Variants in GOLT1A observed in about 807,000 individuals in gnomAD.
GOLT1A encodes vesicle transport protein GOT1A.
GOLT1A carries 10 observed loss-of-function variants against 16.1 expected under a neutral mutation model. The ratio of observed to expected loss-of-function variants is 0.62; its 90% CI spans 0.38 to 1.05. The LOEUF (loss-of-function observed/expected upper bound fraction) is 1.05, where lower values mean the gene tolerates loss of function less well. Among genes scored for constraint, GOLT1A ranks in the 50% least tolerant of loss-of-function variants. GOLT1A has a pLI of 0.01. For synonymous variants in GOLT1A, 60 were observed against 67.9 expected, an observed-to-expected ratio of 0.88 and a Z score of 0.57; for missense variants, 137 against 165.7, an observed-to-expected ratio of 0.83 and a Z score of 0.95.
At position 204,198,205 on chromosome 1, in the gene GOLT1A, T is replaced by G; in HGVS notation, c.*253A>C. 2.1e-6 allele frequency: 1 copy of G among 482,586 alleles called. No individual in the cohort carries two copies. Among genetic ancestry groups the G allele is most frequent in the African/African-American group, 2.0e-5 (1 of 49,794 alleles). 29.9% of individuals were successfully genotyped at this position (482,586 alleles called of 1,614,324 possible). ...AATTTAATCTTCACTTTTCCTCCCA[T>G]AAATATAGAGTGAGGGTGTGATACC... On this transcript the variant is annotated 3_prime_UTR_variant, in exon 5 of 5. Transcript: ENST00000308302.
At chr1:204,203,899 CAG>C (rs1185842349) in intron 1 of GOLT1A, among the ~76,000 whole-genome samples, 1 of 152,184 alleles carries the variant, frequency 6.6e-6, no homozygotes, top group Non-Finnish European at 1.5e-5. Context: ...GGAGTTCACT[CAG>C]AGCCAGCAAG....
chr1:204,212,871 G>A (rs1362808881), intron 1 of GOLT1A, among the ~76,000 whole-genome samples: 3 of 151,958 alleles, frequency 2.0e-5, no homozygotes, highest in Non-Finnish European at 4.4e-5. Context: ...TTTGCTCCAG[G>A]TATACCCACC....
At chr1:204,201,451 T>C (rs564711830) in intron 3 of GOLT1A, among the ~76,000 whole-genome samples, 182 bp downstream of exon 3, 1 of 152,288 alleles carries the variant, frequency 6.6e-6, no homozygotes, top group East Asian at 1.9e-4. Flanking sequence ...TCAGTATTTG[T>C]TGATGGATGG....
At chr1:204,204,027 G>A (rs906107717) in intron 1 of GOLT1A, among the ~76,000 whole-genome samples, 1 of 152,078 alleles carries the variant, frequency 6.6e-6, no homozygotes, top group Non-Finnish European at 1.5e-5. Flanking sequence ...TACAATAACC[G>A]GATATATAGT....
At chr1:204,210,328 CTCT>C (rs956374885) in intron 1 of GOLT1A, among the ~76,000 whole-genome samples, 25 of 152,234 alleles carry the variant, frequency 1.6e-4, no homozygotes, top group African/African-American at 4.3e-4. Context: ...CTACTTCTCT[CTCT>C]TCTTCTTGGG....
At chr1:204,199,279 G>C (rs762580397) in intron 3 of GOLT1A, 21 bp from the exon 4 acceptor site, 10 of 1,587,222 alleles carry the variant, frequency 6.3e-6, no homozygotes, top group Non-Finnish European at 6.9e-6. Context: ...AGGGGAGAAG[G>C]GAGGAGTCAG....
chr1:204,208,501 TAA>T (rs78563408), intron 1 of GOLT1A, among the ~76,000 whole-genome samples: 2,003 of 95,474 alleles, frequency 0.021, 147 homozygotes, highest in African/African-American at 0.061. Flanking sequence ...TATATATATA[TAA>T]AAAATGAACT....
Position 204,204,834 on chromosome 1 carries a change from G to A in GOLT1A, c.26-1847C>T, listed in dbSNP as rs539246342. ...TCCACATCTTGCCAATACTTTATCT[G>A]TTTTGTTTTGTTTTGATAGCAGCCA... On this transcript the variant is annotated intron_variant, in intron 1 of 4. Transcript: ENST00000308302. Among the ~76,000 whole-genome samples the A allele has an allele frequency of 4.3e-4, 66 of 152,298 alleles. 1 individual carries two copies. Among genetic ancestry groups the A allele is most frequent in the African/African-American group, 1.6e-3 (66 of 41,562 alleles).
At chr1:204,198,842 G>C in intron 4 of GOLT1A, 1 of 476,748 alleles carries the variant, frequency 2.1e-6, no homozygotes, top group South Asian at 3.1e-5. Flanking sequence ...CCATGCCTGG[G>C]GCCCGCACTT....
intron 1 of GOLT1A, among the ~76,000 whole-genome samples, chr1:204,211,562 T>C (rs890054414): frequency 2.6e-5 from 4 of 152,188 alleles, no homozygotes; most frequent in Non-Finnish European, 5.9e-5. Context: ...CTGACCTAAA[T>C]CCCTCATTTC....
chr1:204,212,510 G>A (rs550603536), intron 1 of GOLT1A, among the ~76,000 whole-genome samples: 1 of 152,040 alleles, frequency 6.6e-6, no homozygotes, highest in Non-Finnish European at 1.5e-5. Flanking sequence ...GGTGGTGGGT[G>A]CCCGTAACCC....
chr1:204,207,628 G>A (rs1483314743), intron 1 of GOLT1A, among the ~76,000 whole-genome samples: 1 of 152,204 alleles, frequency 6.6e-6, no homozygotes, highest in Non-Finnish European at 1.5e-5. Context: ...CATGGAGCAG[G>A]CAGATGAGTC....
chr1:204,198,533 T>C lies in GOLT1A; in HGVS notation c.361-37A>G, dbSNP rs113154484. The stretch of plus-strand genomic sequence containing the variant: ...AAGAATCATTACTCCACACAAAGGG[T>C]AGAGAGCAGATGCAATATCTAGTTA... On this transcript the variant is annotated intron_variant, in intron 4 of 4. Coordinates refer to ENST00000308302, the MANE Select transcript of GOLT1A (RefSeq NM_198447.2). 1,345 of 1,599,194 alleles carry C rather than the reference T, an allele frequency of 8.4e-4. 12 individuals carry two copies. In the African/African-American group the frequency reaches 0.013, roughly 15 times the overall value.
chr1:204,208,501 TA>T, intron 1 of GOLT1A, among the ~76,000 whole-genome samples: 6 of 95,540 alleles, frequency 6.3e-5, no homozygotes, highest in Non-Finnish European at 1.1e-4. Context: ...TATATATATA[TA>T]AAAAATGAAC....
intron 3 of GOLT1A, among the ~76,000 whole-genome samples, chr1:204,200,526 C>G (rs1037832697): frequency 6.6e-6 from 1 of 151,440 alleles, no homozygotes; most frequent in Admixed American, 6.6e-5. Context: ...CAGGGTTTCA[C>G]TATGTTGGCT....
intron 1 of GOLT1A, among the ~76,000 whole-genome samples, chr1:204,203,448 TCAGAACCACC>T (rs1658993007): frequency 6.6e-6 from 1 of 152,050 alleles, no homozygotes. Context: ...CCAAAGAGCC[TCAGAACCACC>T]CAGCTCTCCT....
intron 1 of GOLT1A, among the ~76,000 whole-genome samples, chr1:204,208,389 CATATGTATACATATATGTAT>C (rs1557987146): frequency 1.3e-5 from 1 of 78,184 alleles, no homozygotes; most frequent in African/African-American, 3.4e-5. Context: ...CATATACACA[CATATGTATACATATATGTAT>C]ATATGTATAC....
Position 204,198,369 on chromosome 1 carries a change from G to T in GOLT1A, c.*89C>A. The T allele has an allele frequency of 1.7e-6, 2 of 1,193,518 alleles. No homozygotes were observed. Among genetic ancestry groups the T allele is most frequent in the Non-Finnish European group, 2.5e-6 (2 of 812,894 alleles). The allele number at this position is 1,193,518 out of a possible 1,614,324, so 73.9% of individuals were successfully genotyped here. ...GAGGTCCGGATATGTCGGGGAGTGAGTCAGTGCAGGGGACTGAGGGGGTGG... is the reference window on the plus strand; with the variant it reads ...GAGGTCCGGATATGTCGGGGAGTGATTCAGTGCAGGGGACTGAGGGGGTGG... On this transcript the variant is annotated 3_prime_UTR_variant, in exon 5 of 5. Transcript: ENST00000308302.
At position 204,213,913 on chromosome 1, in the gene GOLT1A, C is replaced by T. The variant is rs754868287; in HGVS notation, c.-7G>A. The T allele has an allele frequency of 1.9e-6, 3 of 1,613,196 alleles. No individual in the cohort carries two copies. Among genetic ancestry groups the T allele is most frequent in the African/African-American group, 1.3e-5 (1 of 75,056 alleles). ...ATTCGGTGATGGAGATCATGCCGCACTCAGCCTGGGGGGCTTTCCGGGTGG... is the reference window on the plus strand; with the variant it reads ...ATTCGGTGATGGAGATCATGCCGCATTCAGCCTGGGGGGCTTTCCGGGTGG... On this transcript the variant is annotated 5_prime_UTR_variant, in exon 1 of 5. In the 5' UTR this introduces an upstream ATG that the reference lacks. Coordinates refer to ENST00000308302, the MANE Select transcript of GOLT1A (RefSeq NM_198447.2).
Sources: gnomAD v4.1 joint callset for allele counts (sites outside exome capture counted in the v4.1 genomes callset) on GRCh38, gnomAD v4.1.1 for gene constraint, MANE v1.5 for transcripts, NCBI Gene and HGNC (gene_info 2026-07-23, HGNC 2026-07-21) for gene names.